Variants in RAB23 observed in about 807,000 individuals in gnomAD.
The protein encoded by RAB23 is ras-related protein Rab-23.
RAB23 carries 15 observed loss-of-function variants against 30.0 expected under a neutral mutation model. The observed-to-expected ratio is 0.50, with a 90% CI of 0.33 to 0.77. The LOEUF (loss-of-function observed/expected upper bound fraction) is 0.77, where lower values mean the gene tolerates loss of function less well. RAB23 is among the 30% of genes least tolerant of loss of function. RAB23 has a pLI of 0.02. For synonymous variants in RAB23, 93 were observed against 94.0 expected (o/e 0.99, Z 0.06); for missense variants, 243 against 275.4 (o/e 0.88, Z 0.83).
chr6:57,194,034 T>G (rs1393552731), intron 5 of RAB23, 100 bp from the exon 6 acceptor site: 9 of 1,493,948 alleles, frequency 6.0e-6, no homozygotes, highest in Non-Finnish European at 8.1e-6. Flanking sequence ...TAAACAAATT[T>G]AAAGTTACAA....
chr6:57,190,393 C>G lies in RAB23; in HGVS notation c.*68G>C. 1.3e-6 allele frequency: 2 copies of G among 1,572,926 alleles called. No homozygotes were observed. The highest frequency in any genetic ancestry group is 3.3e-5 in the Admixed American group (2 of 59,916). On this transcript the variant is annotated 3_prime_UTR_variant, in exon 7 of 7. Transcript: ENST00000468148. ...GTCTGCTGAAAACCTTGTAACATAC[C>G]ATGACAGCTGGATGGGTTTCTTAAT...
intron 1 of RAB23, among the ~76,000 whole-genome samples, chr6:57,216,286 G>A (rs1765832901): frequency 6.6e-6 from 1 of 152,106 alleles, no homozygotes; most frequent in Non-Finnish European, 1.5e-5. Flanking sequence ...CCATCATTAA[G>A]CAATGCATGA....
chr6:57,210,133 G>C, intron 2 of RAB23, 93 bp downstream of exon 2: 1 of 1,407,464 alleles, frequency 7.1e-7, no homozygotes, highest in Non-Finnish European at 9.9e-7. Flanking sequence ...GCCACACCTC[G>C]AAATCCACTG....
At chr6:57,200,366 G>A (rs1444344615) in intron 3 of RAB23, among the ~76,000 whole-genome samples, 2 of 151,406 alleles carry the variant, frequency 1.3e-5, no homozygotes, top group East Asian at 3.9e-4. Context: ...GTGAAACCTT[G>A]TCTCTACTAA....
intron 2 of RAB23, among the ~76,000 whole-genome samples, chr6:57,207,968 T>A (rs771213736): frequency 6.6e-6 from 1 of 152,178 alleles, no homozygotes; most frequent in African/African-American, 2.4e-5. Flanking sequence ...AGCTGAACTA[T>A]TATAAATCCT....
At chr6:57,204,146 G>A (rs1281015000) in intron 3 of RAB23, among the ~76,000 whole-genome samples, 3 of 152,138 alleles carry the variant, frequency 2.0e-5, no homozygotes, top group East Asian at 3.9e-4. Context: ...ACTGGTGTAA[G>A]TTTGTAAATA....
At chr6:57,209,811 T>G (rs1303913930) in intron 2 of RAB23, among the ~76,000 whole-genome samples, 2 of 152,200 alleles carry the variant, frequency 1.3e-5, no homozygotes, top group African/African-American at 4.8e-5. Flanking sequence ...CTATTAATTC[T>G]CTAACTTCCA....
chr6:57,192,351 T>C (rs1764871513), intron 6 of RAB23, among the ~76,000 whole-genome samples: 1 of 152,204 alleles, frequency 6.6e-6, no homozygotes, highest in Non-Finnish European at 1.5e-5. Flanking sequence ...CCAGAGATAC[T>C]GTCAGGGATA....
At chr6:57,204,602 T>A (rs925486181) in intron 3 of RAB23, among the ~76,000 whole-genome samples, 1 of 152,144 alleles carries the variant, frequency 6.6e-6, no homozygotes, top group Non-Finnish European at 1.5e-5. Flanking sequence ...TAAGATAGAA[T>A]ATATTTTAAT....
At position 57,188,673 on chromosome 6, in the gene RAB23, T is replaced by C. The variant is rs1248024289; in HGVS notation, c.*1788A>G. 1.3e-5 allele frequency: 2 copies of C among 152,232 alleles called. No homozygotes were observed. The highest frequency in any genetic ancestry group is 2.4e-5 in the African/African-American group (1 of 41,468). The allele number at this position is 152,232 out of a possible 1,614,324, so 9.4% of individuals were successfully genotyped here. On this transcript the variant is annotated 3_prime_UTR_variant, in exon 7 of 7. Transcript: ENST00000468148. ...AACTGAATTTTGCCCCCAAAACCTA[T>C]GTCACTATCAGCAATGGGAGTGGTG... is the stretch of plus-strand genomic sequence containing the variant.
intron 6 of RAB23, among the ~76,000 whole-genome samples, chr6:57,192,511 C>T (rs1222326470): frequency 6.6e-6 from 1 of 152,190 alleles, no homozygotes; most frequent in Non-Finnish European, 1.5e-5. Context: ...GGACAGATTG[C>T]ATCTGATACA....
chr6:57,214,160 A>G (rs1404433579), intron 1 of RAB23, among the ~76,000 whole-genome samples: 1 of 152,084 alleles, frequency 6.6e-6, no homozygotes, highest in African/African-American at 2.4e-5. Context: ...AGCCTACTAG[A>G]AAGTCAGGAC....
intron 1 of RAB23, among the ~76,000 whole-genome samples, chr6:57,218,983 G>C (rs2128008723): frequency 1.3e-5 from 2 of 152,170 alleles, no homozygotes; most frequent in South Asian, 2.1e-4. Context: ...CATACATGAA[G>C]TTCTAGTCAT....
At chr6:57,201,581 A>T (rs1490287242) in intron 3 of RAB23, among the ~76,000 whole-genome samples, 2 of 152,228 alleles carry the variant, frequency 1.3e-5, no homozygotes, top group African/African-American at 2.4e-5. Context: ...CAAACCTGGT[A>T]TAAAAACGTT....
intron 2 of RAB23, among the ~76,000 whole-genome samples, chr6:57,208,910 T>C (rs1057451696): frequency 3.3e-5 from 5 of 152,194 alleles, no homozygotes; most frequent in African/African-American, 1.2e-4. Context: ...GATTGATATA[T>C]ATTGTTAATT....
At chr6:57,206,381 G>A (rs1302065592) in intron 3 of RAB23, among the ~76,000 whole-genome samples, 1 of 152,130 alleles carries the variant, frequency 6.6e-6, no homozygotes, top group Admixed American at 6.5e-5. Context: ...CAGGGAGTAG[G>A]AGACTATAGA....
chr6:57,206,309 C>T (rs115184205), intron 3 of RAB23, among the ~76,000 whole-genome samples: 604 of 152,000 alleles, frequency 4.0e-3, no homozygotes, highest in South Asian at 8.2e-3. Flanking sequence ...GAGAAGCTCT[C>T]GATGGTTTCA....
intron 4 of RAB23, 22 bp from the exon 5 acceptor site, chr6:57,194,874 A>C: frequency 6.3e-7 from 1 of 1,593,466 alleles, no homozygotes; most frequent in Non-Finnish European, 8.6e-7. Context: ...TTTAAAAAAA[A>C]ATGCTTTACA....
At chr6:57,194,009 A>C (rs1764934295) in intron 5 of RAB23, 75 bp from the exon 6 acceptor site, 5 of 1,543,876 alleles carry the variant, frequency 3.2e-6, no homozygotes, top group Admixed American at 1.9e-5. Flanking sequence ...CATCATTTGT[A>C]ATATTTATAC....
Sources: allele counts gnomAD v4.1 joint callset (sites outside exome capture counted in the v4.1 genomes callset), GRCh38; gene constraint gnomAD v4.1.1; transcripts MANE v1.5; gene names NCBI Gene and HGNC (gene_info 2026-07-23, HGNC 2026-07-21).